The following SETX variants were observed in gnomAD, a reference collection of about 807,000 sequenced individuals.
The protein encoded by SETX is senataxin.
SETX carries 90 observed loss-of-function variants against 227.2 expected under a neutral mutation model. That is an observed-to-expected ratio of 0.40 (90% CI 0.33 to 0.47). The LOEUF (loss-of-function observed/expected upper bound fraction) is 0.47. Among genes scored for constraint, SETX ranks in the 20% least tolerant of loss-of-function variants. SETX has a pLI of 0.91. For missense variants in SETX, 3,052 were observed against 3,181.5 expected (o/e 0.96, Z 0.98); for synonymous variants, 1,210 against 1,113.2 (o/e 1.09, Z -1.73).
intron 15 of SETX, among the ~76,000 whole-genome samples, chr9:132,293,242 G>A (rs1844448528): frequency 6.6e-6 from 1 of 152,040 alleles, no homozygotes; most frequent in South Asian, 2.1e-4. Context: ...AAACACTAAT[G>A]AGAAAGCAAC....
At chr9:132,304,357 T>C (rs967237137) in intron 11 of SETX, among the ~76,000 whole-genome samples, 9 of 151,808 alleles carry the variant, frequency 5.9e-5, no homozygotes, top group Non-Finnish European at 1.2e-4. Context: ...GGGGAGAAAA[T>C]TTAGGGTCCT....
chr9:132,279,002 TC>T (rs1408222028), intron 20 of SETX, among the ~76,000 whole-genome samples: 5 of 152,134 alleles, frequency 3.3e-5, no homozygotes, highest in African/African-American at 1.2e-4. Context: ...AATCCAAAAA[TC>T]CAAAATACTC....
At chr9:132,266,801 A>G (rs748277863) in intron 25 of SETX, among the ~76,000 whole-genome samples, 3 of 152,070 alleles carry the variant, frequency 2.0e-5, no homozygotes, top group Non-Finnish European at 4.4e-5. Context: ...AACCTTATAC[A>G]CTGGAGATAA....
intron 25 of SETX, among the ~76,000 whole-genome samples, chr9:132,265,428 T>C (rs1156902622): frequency 1.3e-5 from 2 of 151,990 alleles, no homozygotes; most frequent in East Asian, 1.9e-4. Flanking sequence ...GGTTTCATCA[T>C]GTTAGCCAAG....
intron 1 of SETX, among the ~76,000 whole-genome samples, chr9:132,354,042 G>A (rs1390505746): frequency 6.6e-6 from 1 of 152,188 alleles, no homozygotes; most frequent in Non-Finnish European, 1.5e-5. Context: ...CCTCAGCTGT[G>A]TCACTTATCA....
chr9:132,349,517 T>G, intron 2 of SETX, 82 bp from the exon 3 acceptor site: 2 of 1,409,742 alleles, frequency 1.4e-6, no homozygotes, highest in Non-Finnish European at 2.0e-6. Context: ...TTTCAACTTG[T>G]GACCCTGGTT....
At chr9:132,300,188 A>G (rs7868762) in intron 12 of SETX, among the ~76,000 whole-genome samples, 46,892 of 149,394 alleles carry the variant, frequency 0.31, 10,677 homozygotes, top group East Asian at 0.67. Context: ...TCTGGTATTC[A>G]TTAAATTTAG....
At chr9:132,354,559 C>A (rs1166518088) in intron 1 of SETX, among the ~76,000 whole-genome samples, 1 of 151,626 alleles carries the variant, frequency 6.6e-6, no homozygotes, top group Non-Finnish European at 1.5e-5. Flanking sequence ...GAGAGGCAGA[C>A]GAGCGTGTGG....
At chr9:132,265,159 A>G (rs2131116382) in intron 25 of SETX, among the ~76,000 whole-genome samples, 174 bp from the exon 26 acceptor site, 1 of 149,236 alleles carries the variant, frequency 6.7e-6, no homozygotes, top group African/African-American at 2.5e-5. Flanking sequence ...CAAATAAAAA[A>G]TGATAAAGTC....
At chr9:132,307,338 GTTT>G (rs35122140) in intron 11 of SETX, among the ~76,000 whole-genome samples, 81 of 148,344 alleles carry the variant, frequency 5.5e-4, no homozygotes, top group African/African-American at 1.8e-3. Flanking sequence ...AGCTAAATAA[GTTT>G]TTTTTTTTTA....
Position 132,327,940 on chromosome 9 carries a change from G to C in SETX, c.3658C>G (p.Gln1220Glu), listed in dbSNP as rs1227515315. Residue 1220 changes from glutamine (Q) to glutamate (E), a missense_variant, in exon 10 of 26, where the codon CAA becomes GAA. Physicochemically the swap from Gln to Glu is conservative, Grantham distance 29. Coordinates refer to ENST00000224140, the MANE Select transcript of SETX (RefSeq NM_015046.7). ...GTACAAAGCTTTGAAGACTTCTTTT[G>C]TGAAACCGTAGTGGCTCTCTGAATA... ...SRIQRATTVS[Q>E]KKSSKLCTCT... 1 of 1,614,118 alleles carries C rather than the reference G, an allele frequency of 6.2e-7. No individual in the cohort carries two copies. Among genetic ancestry groups the C allele is most frequent in the South Asian group, 1.1e-5 (1 of 91,074 alleles).
At chr9:132,321,166 G>A (rs994745663) in intron 10 of SETX, among the ~76,000 whole-genome samples, 1 of 152,156 alleles carries the variant, frequency 6.6e-6, no homozygotes, top group Non-Finnish European at 1.5e-5. Flanking sequence ...ACATTTCCCA[G>A]GTAAAATATG....
At chr9:132,317,405 G>A (rs1449914789) in intron 10 of SETX, among the ~76,000 whole-genome samples, 1 of 152,146 alleles carries the variant, frequency 6.6e-6, no homozygotes, top group Non-Finnish European at 1.5e-5. Flanking sequence ...CTGAATATCT[G>A]TAGCAGCTGT....
At chr9:132,346,201 AT>A in intron 4 of SETX, 59 bp downstream of exon 4, 2 of 1,392,518 alleles carry the variant, frequency 1.4e-6, no homozygotes, top group Non-Finnish European at 2.0e-6. Flanking sequence ...ATAAGCCTAA[AT>A]TCTTATGGTA....
chr9:132,302,519 G>A (rs575451851), intron 11 of SETX, among the ~76,000 whole-genome samples: 18 of 151,642 alleles, frequency 1.2e-4, no homozygotes, highest in African/African-American at 3.4e-4. Flanking sequence ...AATTAGCCAG[G>A]CGTCGTGGCA....
At chr9:132,323,434 C>T (rs1846496891) in intron 10 of SETX, among the ~76,000 whole-genome samples, 1 of 151,888 alleles carries the variant, frequency 6.6e-6, no homozygotes. Flanking sequence ...TTCACATAGT[C>T]AAAATAACAA....
At chr9:132,292,862 C>T (rs1844422774) in intron 15 of SETX, among the ~76,000 whole-genome samples, 1 of 152,158 alleles carries the variant, frequency 6.6e-6, no homozygotes, top group African/African-American at 2.4e-5. Flanking sequence ...TGGTTTCGAT[C>T]TCCTGACCTG....
intron 5 of SETX, among the ~76,000 whole-genome samples, chr9:132,338,536 G>C (rs953759100): frequency 6.6e-6 from 1 of 152,162 alleles, no homozygotes; most frequent in African/African-American, 2.4e-5. Flanking sequence ...GCAATAACTA[G>C]AGGTTTTGCA....
intron 7 of SETX, among the ~76,000 whole-genome samples, chr9:132,333,286 G>A (rs886655079): frequency 3.3e-5 from 5 of 150,600 alleles, no homozygotes; most frequent in African/African-American, 9.8e-5. Flanking sequence ...GGCTAAGGCA[G>A]GAGAATCGCT....
Sources: allele counts gnomAD v4.1 joint callset (sites outside exome capture counted in the v4.1 genomes callset), GRCh38; gene constraint gnomAD v4.1.1; transcripts MANE v1.5; gene names NCBI Gene and HGNC (gene_info 2026-07-23, HGNC 2026-07-21).